PGBD5: variants seen among roughly 807,000 people sequenced by gnomAD.
PGBD5 encodes the protein piggyBac transposable element-derived protein 5.
PGBD5 carries 14 observed loss-of-function variants against 47.9 expected under a neutral mutation model. That is an observed-to-expected ratio of 0.29 (90% CI 0.19 to 0.46). The LOEUF is 0.46. Ranked by LOEUF, PGBD5 falls within the 20% of genes least tolerant of loss-of-function variation. The pLI, the probability that PGBD5 is intolerant of heterozygous loss-of-function variation, is 1.00. For missense variants in PGBD5, 635 were observed against 716.0 expected, an observed-to-expected ratio of 0.89 and a Z score of 1.29; for synonymous variants, 316 against 306.3, an observed-to-expected ratio of 1.03 and a Z score of -0.33.
Position 230,377,555 on chromosome 1 carries a change from G to C in PGBD5, c.332-20234C>G, listed in dbSNP as rs768397861. On this transcript the variant is annotated intron_variant, in intron 1 of 6. Coordinates refer to ENST00000391860, the MANE Select transcript of PGBD5 (RefSeq NM_001258311.2). Reference sequence around the variant, plus strand: ...CCGGGCACTATGCTGAGCAACTGCAGCTCAGGTCCTGCAGAGTCCCCGAGA... The same window carrying C: ...CCGGGCACTATGCTGAGCAACTGCACCTCAGGTCCTGCAGAGTCCCCGAGA... 5 of 1,610,506 alleles carry C rather than the reference G, an allele frequency of 3.1e-6. No homozygotes were observed. The East Asian group carries it at 8.9e-5, about 29-fold the overall frequency.
chr1:230,391,088 G>A (rs1453404983), intron 1 of PGBD5, among the ~76,000 whole-genome samples: 2 of 148,906 alleles, frequency 1.3e-5, no homozygotes, highest in African/African-American at 4.9e-5. Context: ...TAGTCATAGC[G>A]ACTGAGCTCA....
intron 1 of PGBD5, chr1:230,377,620 A>G (rs146733983): frequency 2.6e-6 from 4 of 1,528,004 alleles, no homozygotes; most frequent in East Asian, 2.4e-5. Flanking sequence ...GTAGTCAGGC[A>G]TATCTGACCT....
Position 230,361,132 on chromosome 1 carries a change from G to A in PGBD5, c.332-3811C>T, listed in dbSNP as rs553960207. Among the ~76,000 whole-genome samples, 451 of 152,268 alleles carry A rather than the reference G, an allele frequency of 3.0e-3. 1 individual carries two copies. Among genetic ancestry groups the A allele is most frequent in the African/African-American group, 0.01 (426 of 41,538 alleles). On this transcript the variant is annotated intron_variant, in intron 1 of 6. Transcript: ENST00000391860. ...GGTACCTACATACGACTGAAGTCAC[G>A]GGATGGTCTTCCCATCACCTCCTCC...
intron 3 of PGBD5, among the ~76,000 whole-genome samples, chr1:230,338,480 C>T (rs1407138963): frequency 6.6e-6 from 1 of 152,198 alleles, no homozygotes; most frequent in Non-Finnish European, 1.5e-5. Flanking sequence ...GTAGTCCTTG[C>T]CACATGACCT....
At chr1:230,362,298 C>T (rs1667757751) in intron 1 of PGBD5, 3 of 1,367,602 alleles carry the variant, frequency 2.2e-6, no homozygotes, top group Non-Finnish European at 2.9e-6. Flanking sequence ...TGAGTTTCCC[C>T]ACGGGTGTGC....
At chr1:230,400,660 T>TAGAAA (rs199691967) in intron 1 of PGBD5, among the ~76,000 whole-genome samples, 12,367 of 148,346 alleles carry the variant, frequency 0.083, 882 homozygotes, top group East Asian at 0.19. Flanking sequence ...GAGGTTTTCT[T>TAGAAA]TCTTAGAAAT....
In PGBD5 at chr1:230,325,418, G is replaced by A. The variant is rs759967648; in HGVS notation, c.1274-3C>T. On this transcript the variant is annotated splice_region_variant and splice_polypyrimidine_tract_variant and intron_variant, in intron 5 of 6. Transcript: ENST00000391860. Reference sequence around the variant, plus strand: ...ACTCTTCCTTTTGATGATGACTCCTGAAGGCGAGAGACAAGATAAGCCCCT... The same window carrying A: ...ACTCTTCCTTTTGATGATGACTCCTAAAGGCGAGAGACAAGATAAGCCCCT... 11 of 1,608,344 alleles carry A rather than the reference G, an allele frequency of 6.8e-6. 1 individual carries two copies. In the South Asian group the frequency reaches 1.1e-4, roughly 16 times the overall value.
intron 1 of PGBD5, among the ~76,000 whole-genome samples, chr1:230,423,894 T>G (rs1346078247): frequency 6.6e-6 from 1 of 152,230 alleles, no homozygotes. Context: ...CTGCTCTTCA[T>G]GACCGTAAGT....
At chr1:230,346,692 T>C (rs1032929131) in intron 3 of PGBD5, among the ~76,000 whole-genome samples, 1 of 152,332 alleles carries the variant, frequency 6.6e-6, no homozygotes, top group African/African-American at 2.4e-5. Flanking sequence ...GGCTACTCTC[T>C]TCTTTGCCAC....
In PGBD5 at chr1:230,337,248, A is replaced by C. The variant is rs779403267; in HGVS notation, c.935T>G (p.Leu312Arg). The C allele has an allele frequency of 2.5e-6, 4 of 1,613,770 alleles. No individual in the cohort carries two copies. The South Asian group carries it at 3.3e-5, about 13-fold the overall frequency. ...CTGGGGCTTATTCTTCAGCGCATCC[A>C]GGCCATCTGGGCCCCCACCTTCCTT... is the stretch of plus-strand genomic sequence containing the variant. ...HLKEGGGPDG[L>R]DALKNKPQLH... The change falls in exon 4 of 7, where the codon CTG (leucine) becomes CGG (arginine). Residue 312 changes from leucine (L) to arginine (R), a missense_variant. Coordinates refer to ENST00000391860, the MANE Select transcript of PGBD5 (RefSeq NM_001258311.2).
intron 1 of PGBD5, among the ~76,000 whole-genome samples, chr1:230,419,921 T>A (rs573562696): frequency 6.6e-6 from 1 of 151,492 alleles, no homozygotes; most frequent in Non-Finnish European, 1.5e-5. Context: ...AGGTAAGGAG[T>A]TCAAGACCAG....
intron 3 of PGBD5, among the ~76,000 whole-genome samples, chr1:230,343,652 C>T (rs1667438811): frequency 6.6e-6 from 1 of 152,172 alleles, no homozygotes; most frequent in Non-Finnish European, 1.5e-5. Context: ...ACATGTCCTG[C>T]CCTGCCCAGC....
chr1:230,345,844 A>C (rs1667466074), intron 3 of PGBD5, among the ~76,000 whole-genome samples: 1 of 152,206 alleles, frequency 6.6e-6, no homozygotes, highest in South Asian at 2.1e-4. Context: ...AGGCATGTTT[A>C]AAGTAAACTA....
chr1:230,406,468 T>C (rs2102745861), intron 1 of PGBD5, among the ~76,000 whole-genome samples: 1 of 152,234 alleles, frequency 6.6e-6, no homozygotes, highest in African/African-American at 2.4e-5. Context: ...GTATATAAAC[T>C]GAGAAACAGA....
At chr1:230,356,631 G>A (rs1351717480) in intron 2 of PGBD5, among the ~76,000 whole-genome samples, 1 of 152,220 alleles carries the variant, frequency 6.6e-6, no homozygotes, top group Non-Finnish European at 1.5e-5. Flanking sequence ...GAAGGAAAGG[G>A]AGAAAAGAGG....
In PGBD5 at chr1:230,316,989, A is replaced by G. The variant is rs1338282323; in HGVS notation, c.*6436T>C. ...ACTGCAGCCTCTTGAGGAGGCTCAG[A>G]CTCTTGTGTTTGCAGGGATGTGCTA... On this transcript the variant is annotated 3_prime_UTR_variant, in exon 7 of 7. Coordinates refer to ENST00000391860, the MANE Select transcript of PGBD5 (RefSeq NM_001258311.2). 6.6e-6 allele frequency: 1 copy of G among 151,882 alleles called. No individual in the cohort carries two copies. The allele number at this position is 151,882 out of a possible 1,614,324, so 9.4% of individuals were successfully genotyped here.
chr1:230,396,327 T>C (rs1237641323), intron 1 of PGBD5, among the ~76,000 whole-genome samples: 5 of 126,736 alleles, frequency 3.9e-5, no homozygotes, highest in Admixed American at 1.7e-4. Flanking sequence ...CCACACTCCT[T>C]CTCCTCTACT....
rs1379623289 is a variant in PGBD5, at chr1:230,320,867, A to AG, written c.*2557_*2558insC. On this transcript the variant is annotated 3_prime_UTR_variant, in exon 7 of 7. Transcript: ENST00000391860. ...TGGAGAAGAGAAACTCTTCTCAGTCAACAGCATTCCTCCAGAGACCTGAAG... is the reference window on the plus strand; with the variant it reads ...TGGAGAAGAGAAACTCTTCTCAGTCAGACAGCATTCCTCCAGAGACCTGAAG... 1 of 152,210 alleles carries AG rather than the reference A, an allele frequency of 6.6e-6. No homozygotes were observed. Among genetic ancestry groups the AG allele is most frequent in the Admixed American group, 6.5e-5 (1 of 15,276 alleles). The allele number at this position is 152,210 out of a possible 1,614,324, so 9.4% of individuals were successfully genotyped here. A position where few individuals can be genotyped will look rare whatever the true frequency, so the allele number is the denominator to read the frequency against.
At chr1:230,362,390 C>G (rs371106664) in intron 1 of PGBD5, 43 of 1,361,580 alleles carry the variant, frequency 3.2e-5, no homozygotes, top group Middle Eastern at 2.1e-4. Flanking sequence ...GGATGACAGA[C>G]AGTTGTGGAG....
Sources: gnomAD v4.1 joint callset for allele counts (sites outside exome capture counted in the v4.1 genomes callset) on GRCh38, gnomAD v4.1.1 for gene constraint, MANE v1.5 for transcripts, NCBI Gene and HGNC (gene_info 2026-07-23, HGNC 2026-07-21) for gene names.